Variants in SRC observed in about 807,000 individuals in gnomAD.
SRC encodes proto-oncogene tyrosine-protein kinase Src.
Under a neutral mutation model 62.9 loss-of-function variants are expected in SRC, and 13 were observed. The observed-to-expected ratio is 0.21, with a 90% CI of 0.13 to 0.33. SRC has a LOEUF of 0.33. Ranked by LOEUF, SRC falls within the 10% of genes least tolerant of loss-of-function variation. The probability of loss-of-function intolerance (pLI) is 1.00; values close to 1 mark genes in which losing one functional copy is unlikely to be tolerated. For synonymous variants in SRC, 302 were observed against 317.5 expected (o/e 0.95, Z 0.52); for missense variants, 457 against 737.3 (o/e 0.62, Z 4.40).
chr20:37,361,653 A>G (rs1273819954), intron 1 of SRC, among the ~76,000 whole-genome samples: 2 of 152,228 alleles, frequency 1.3e-5, no homozygotes, highest in Non-Finnish European at 2.9e-5. Context: ...GCCATCACCC[A>G]TCAGGGGTGG....
intron 2 of SRC, among the ~76,000 whole-genome samples, chr20:37,375,038 C>G (rs191565704): frequency 6.6e-6 from 1 of 151,846 alleles, no homozygotes; most frequent in Non-Finnish European, 1.5e-5. Flanking sequence ...TCAAGTGATT[C>G]TCCTGCCTCA....
chr20:37,392,500 G>T (rs1042322416), intron 5 of SRC, among the ~76,000 whole-genome samples: 3 of 152,222 alleles, frequency 2.0e-5, no homozygotes, highest in African/African-American at 7.2e-5. Flanking sequence ...GTGGGTGGGG[G>T]CCACCCTGCC....
chr20:37,357,377 A>G (rs1379805126), intron 1 of SRC, among the ~76,000 whole-genome samples: 1 of 152,160 alleles, frequency 6.6e-6, no homozygotes, highest in Non-Finnish European at 1.5e-5. Flanking sequence ...GGCAAGTCCC[A>G]GGCCTACTGT....
rs2147110422 is a variant in SRC, at chr20:37,398,367, A to G, written c.859+513A>G. On this transcript the variant is annotated intron_variant, in intron 9 of 13. Coordinates refer to ENST00000373578, the MANE Select transcript of SRC (RefSeq NM_198291.3). This position sits in a 1 kb window ranked among gnomAD's most constrained non-coding sequence, Gnocchi z 5.2. ...GCATGAGCACCGTGCAGCCCTGACA[A>G]AACCCAGGCCCCTCTTCCACCGGAT... 6.6e-6 allele frequency among the ~76,000 whole-genome samples: 1 copy of G among 152,294 alleles called. No homozygotes were observed. Among genetic ancestry groups the G allele is most frequent in the East Asian group, 1.9e-4 (1 of 5,180 alleles).
intron 1 of SRC, among the ~76,000 whole-genome samples, chr20:37,354,848 C>T (rs549933001): frequency 4.6e-5 from 7 of 152,332 alleles, no homozygotes; most frequent in Admixed American, 1.3e-4. Context: ...GGTTTTCCCA[C>T]CTATGAGAAG....
chr20:37,348,507 G>C (rs2069755202), intron 1 of SRC, among the ~76,000 whole-genome samples: 1 of 152,188 alleles, frequency 6.6e-6, no homozygotes, highest in African/African-American at 2.4e-5. Flanking sequence ...TATTGTGCTG[G>C]GGTTAGCAGG....
chr20:37,371,716 T>C (rs2070168194), intron 2 of SRC, among the ~76,000 whole-genome samples: 1 of 152,210 alleles, frequency 6.6e-6, no homozygotes, highest in African/African-American at 2.4e-5. Flanking sequence ...ATTTACTTAT[T>C]TTGAGATGGA....
At chr20:37,371,414 G>T (rs746290905) in intron 2 of SRC, among the ~76,000 whole-genome samples, 1 of 152,076 alleles carries the variant, frequency 6.6e-6, no homozygotes, top group Non-Finnish European at 1.5e-5. Context: ...TTTAAGGTTA[G>T]TAATAATGTC....
chr20:37,361,631 CA>C, intron 1 of SRC, among the ~76,000 whole-genome samples: 1 of 152,356 alleles, frequency 6.6e-6, no homozygotes, highest in South Asian at 2.1e-4. Context: ...GCCATCTCCA[CA>C]AGGCACATCA....
Position 37,396,017 on chromosome 20 carries a change from C to T in SRC, c.554-145C>T, listed in dbSNP as rs535137779. 2.4e-5 allele frequency: 28 copies of T among 1,159,142 alleles called. No homozygotes were observed. The highest frequency in any genetic ancestry group is 6.0e-4 in the Middle Eastern group (2 of 3,352). The allele number at this position is 1,159,142 out of a possible 1,614,324, so 71.8% of individuals were successfully genotyped here. A position where few individuals can be genotyped will look rare whatever the true frequency, so the allele number is the denominator to read the frequency against. ...CCCTGCCTCTGTGGCTGCCCCGGGG[C>T]TGGCTGTTGAGAGACAGGGTGGGCC... On this transcript the variant is annotated intron_variant, in intron 7 of 13. Coordinates refer to ENST00000373578, the MANE Select transcript of SRC (RefSeq NM_198291.3). The surrounding 1 kb of genome is among the most constrained non-coding windows in gnomAD (Gnocchi z 6.1).
intron 2 of SRC, among the ~76,000 whole-genome samples, chr20:37,377,198 C>T (rs532213795): frequency 4.1e-4 from 62 of 152,218 alleles, no homozygotes; most frequent in Non-Finnish European, 7.2e-4. Flanking sequence ...ATAATAACAA[C>T]AGTAAACAAC....
intron 2 of SRC, among the ~76,000 whole-genome samples, chr20:37,371,296 TTTC>T (rs2070162375): frequency 6.6e-6 from 1 of 152,182 alleles, no homozygotes; most frequent in South Asian, 2.1e-4. Flanking sequence ...GCCCAGCCTA[TTTC>T]TTCTTATTTT....
Position 37,384,536 on chromosome 20 carries a change from G to A in SRC, c.250+133G>A. ...CAGGGGTAGCGCCCCTGGGTGACTT[G>A]GGTGTCCGGGGGGTGGGGGGGCGGC... On this transcript the variant is annotated intron_variant, in intron 4 of 13. Coordinates refer to ENST00000373578, the MANE Select transcript of SRC (RefSeq NM_198291.3). This position sits in a 1 kb window ranked among gnomAD's most constrained non-coding sequence, Gnocchi z 6.7. The A allele has an allele frequency of 2.0e-6, 2 of 1,025,130 alleles. No individual in the cohort carries two copies. The highest frequency in any genetic ancestry group is 2.5e-6 in the Non-Finnish European group (2 of 804,544). The allele number at this position is 1,025,130 out of a possible 1,614,324, so 63.5% of individuals were successfully genotyped here.
chr20:37,353,283 G>A (rs997994662), intron 1 of SRC, among the ~76,000 whole-genome samples: 2 of 152,064 alleles, frequency 1.3e-5, no homozygotes, highest in African/African-American at 2.4e-5. Flanking sequence ...TTTCCCCACT[G>A]AGCCCGTCTC....
intron 1 of SRC, among the ~76,000 whole-genome samples, chr20:37,355,754 G>GA (rs1254865593): frequency 6.6e-6 from 1 of 151,922 alleles, no homozygotes; most frequent in Non-Finnish European, 1.5e-5. Context: ...GAGCTCATGA[G>GA]AAAAAAAAGA....
chr20:37,362,056 T>A (rs1260927966), intron 1 of SRC, among the ~76,000 whole-genome samples: 1 of 152,014 alleles, frequency 6.6e-6, no homozygotes, highest in Admixed American at 6.5e-5. Context: ...CTTATTTATG[T>A]CTTTATTTAT....
At chr20:37,377,225 C>T (rs1437579159) in intron 2 of SRC, among the ~76,000 whole-genome samples, 3 of 152,224 alleles carry the variant, frequency 2.0e-5, no homozygotes, top group Non-Finnish European at 4.4e-5. Flanking sequence ...TGCTGTTTGT[C>T]ATGCACTTAT....
chr20:37,392,002 A>G (rs1024410346), intron 5 of SRC, among the ~76,000 whole-genome samples: 1 of 152,156 alleles, frequency 6.6e-6, no homozygotes, highest in East Asian at 1.9e-4. Flanking sequence ...CTTGGGGGTC[A>G]GTGGGAGAGA....
chr20:37,378,987 GT>G (rs71827091), intron 2 of SRC, among the ~76,000 whole-genome samples: 40,585 of 143,756 alleles, frequency 0.28, 7,795 homozygotes, highest in African/African-American at 0.56. Context: ...ATGTGCAGGG[GT>G]TGTCGCTGAG....
Sources: allele counts gnomAD v4.1 joint callset (sites outside exome capture counted in the v4.1 genomes callset), GRCh38; gene constraint gnomAD v4.1.1; non-coding constraint Gnocchi (gnomAD v3.1); transcripts MANE v1.5; gene names NCBI Gene and HGNC (gene_info 2026-07-23, HGNC 2026-07-21).